GRIK4: variants seen among roughly 807,000 people sequenced by gnomAD.
The protein encoded by GRIK4 is glutamate receptor ionotropic, kainate 4.
GRIK4 carries 40 observed loss-of-function variants against 104.9 expected under a neutral mutation model. The ratio of observed to expected loss-of-function variants is 0.38; its 90% confidence interval spans 0.30 to 0.50. The LOEUF (loss-of-function observed/expected upper bound fraction) is 0.50. Among genes scored for constraint, GRIK4 ranks in the 20% least tolerant of loss-of-function variants. The pLI, the probability that GRIK4 is intolerant of heterozygous loss-of-function variation, is 0.93. For synonymous variants in GRIK4, 485 were observed against 524.9 expected, an observed-to-expected ratio of 0.92 and a Z score of 1.04; for missense variants, 1,047 against 1,308.1, an observed-to-expected ratio of 0.80 and a Z score of 3.08.
intron 3 of GRIK4, among the ~76,000 whole-genome samples, chr11:120,697,116 C>T (rs1450280602): frequency 1.3e-5 from 2 of 152,198 alleles, no homozygotes; most frequent in Admixed American, 1.3e-4. Context: ...GGTATCACTC[C>T]AGTTCCACCC....
chr11:120,946,776 T>C (rs971800343), intron 14 of GRIK4, among the ~76,000 whole-genome samples: 20 of 152,174 alleles, frequency 1.3e-4, no homozygotes, highest in African/African-American at 4.8e-4. Flanking sequence ...TGAAACCAGG[T>C]TTTTGGTCTC....
intron 8 of GRIK4, among the ~76,000 whole-genome samples, chr11:120,841,913 A>C (rs1453679732): frequency 6.6e-6 from 1 of 152,226 alleles, no homozygotes; most frequent in African/African-American, 2.4e-5. Context: ...GGTGATTAAG[A>C]AGCTTTATAA....
At chr11:120,805,969 T>G (rs187855377) in intron 4 of GRIK4, among the ~76,000 whole-genome samples, 11 of 152,154 alleles carry the variant, frequency 7.2e-5, no homozygotes, top group Non-Finnish European at 1.6e-4. Context: ...AAATCCTGGG[T>G]CTCCCATGTA....
intron 3 of GRIK4, among the ~76,000 whole-genome samples, chr11:120,791,992 C>T (rs997498667): frequency 2.6e-5 from 4 of 152,138 alleles, no homozygotes; most frequent in South Asian, 2.1e-4. Context: ...TGCTGTCAGG[C>T]GAGGTCATTG....
chr11:120,585,423 C>T (rs1591714890), intron 1 of GRIK4, among the ~76,000 whole-genome samples: 1 of 151,460 alleles, frequency 6.6e-6, no homozygotes, highest in Non-Finnish European at 1.5e-5. Flanking sequence ...TATCTCAGCT[C>T]ACTGCAACCT....
chr11:120,721,774 A>T (rs1939669), intron 3 of GRIK4, among the ~76,000 whole-genome samples: 86,496 of 151,872 alleles, frequency 0.57, 24,920 homozygotes, highest in African/African-American at 0.62. Context: ...GCCCTTGTGT[A>T]CCTATCTCTA....
intron 1 of GRIK4, among the ~76,000 whole-genome samples, chr11:120,553,926 A>G (rs1948163437): frequency 6.6e-6 from 1 of 152,230 alleles, no homozygotes; most frequent in Non-Finnish European, 1.5e-5. Context: ...GTCAGGCTTT[A>G]AAACAGAGAA....
At chr11:120,717,424 T>C (rs1950854458) in intron 3 of GRIK4, among the ~76,000 whole-genome samples, 2 of 152,134 alleles carry the variant, frequency 1.3e-5, no homozygotes, top group East Asian at 3.9e-4. Flanking sequence ...CGGATGAGCA[T>C]GCCCAGGATC....
At chr11:120,651,716 C>T (rs960303850) in intron 1 of GRIK4, among the ~76,000 whole-genome samples, 1 of 152,174 alleles carries the variant, frequency 6.6e-6, no homozygotes, top group East Asian at 1.9e-4. Context: ...TGTATCCTAA[C>T]TCATCACAGA....
At chr11:120,752,043 G>T (rs1436352088) in intron 3 of GRIK4, among the ~76,000 whole-genome samples, 2 of 152,136 alleles carry the variant, frequency 1.3e-5, no homozygotes, top group African/African-American at 2.4e-5. Context: ...GGGTGACAGG[G>T]CAGCTGTGCA....
chr11:120,934,237 G>A (rs1369455271), intron 13 of GRIK4, among the ~76,000 whole-genome samples: 2 of 149,044 alleles, frequency 1.3e-5, no homozygotes, highest in African/African-American at 5.0e-5. Flanking sequence ...AAAAAGGTCA[G>A]CGTCATGGTG....
chr11:120,864,207 T>TA (rs1954335841), intron 9 of GRIK4, among the ~76,000 whole-genome samples: 1 of 10,690 alleles, frequency 9.4e-5, no homozygotes, highest in Admixed American at 8.6e-4. Context: ...ATTTTTATTT[T>TA]TATTTATTTA....
intron 1 of GRIK4, among the ~76,000 whole-genome samples, chr11:120,605,953 C>G (rs1175360030): frequency 6.6e-6 from 1 of 152,168 alleles, no homozygotes; most frequent in African/African-American, 2.4e-5. Context: ...TACCTGGGGT[C>G]TCTATGCCTT....
chr11:120,776,915 A>C (rs1253552002), intron 3 of GRIK4, among the ~76,000 whole-genome samples: 2 of 152,196 alleles, frequency 1.3e-5, no homozygotes, highest in Non-Finnish European at 2.9e-5. Context: ...GCAGTTTCAG[A>C]AGCAACATCC....
intron 3 of GRIK4, among the ~76,000 whole-genome samples, chr11:120,703,435 C>T (rs182210745): frequency 4.7e-4 from 71 of 152,148 alleles, no homozygotes; most frequent in African/African-American, 1.4e-3. Flanking sequence ...GTGACCTAGG[C>T]GTGGTCTAAA....
chr11:120,625,151 T>G lies in GRIK4; in HGVS notation c.-158-28534T>G, dbSNP rs1315612766. 3.9e-5 allele frequency among the ~76,000 whole-genome samples: 6 copies of G among 152,168 alleles called. No individual in the cohort carries two copies. The East Asian group carries it at 1.2e-3, about 29-fold the overall frequency. ...TTAGCCGGGCATGGTGGCATGCACC[T>G]GTAGTCCCAGCTACTCGGGAGGCTG... On this transcript the variant is annotated intron_variant, in intron 1 of 20. Coordinates refer to ENST00000527524, the MANE Select transcript of GRIK4 (RefSeq NM_014619.5).
intron 3 of GRIK4, among the ~76,000 whole-genome samples, chr11:120,661,237 T>C (rs1384446984): frequency 1.3e-5 from 2 of 151,946 alleles, no homozygotes; most frequent in Non-Finnish European, 2.9e-5. Flanking sequence ...GGTGTCTATG[T>C]GTACATCGGG....
chr11:120,899,739 C>T (rs573636214), intron 12 of GRIK4, among the ~76,000 whole-genome samples: 1 of 152,172 alleles, frequency 6.6e-6, no homozygotes, highest in Non-Finnish European at 1.5e-5. Context: ...TAGTTTGTTC[C>T]TCCCCTCCCC....
At chr11:120,692,500 C>T (rs1028505712) in intron 3 of GRIK4, among the ~76,000 whole-genome samples, 10 of 152,014 alleles carry the variant, frequency 6.6e-5, no homozygotes, top group African/African-American at 2.4e-4. Context: ...CACTGTGGAG[C>T]CCGGGGGTGA....
Sources: gnomAD v4.1 joint callset for allele counts (sites outside exome capture counted in the v4.1 genomes callset) on GRCh38, gnomAD v4.1.1 for gene constraint, MANE v1.5 for transcripts, NCBI Gene and HGNC (gene_info 2026-07-23, HGNC 2026-07-21) for gene names.